Variants in CACNA1S observed in about 807,000 individuals in gnomAD.
CACNA1S encodes calcium voltage-gated channel subunit alpha1 S.
CACNA1S carries 126 observed loss-of-function variants against 207.4 expected under a neutral mutation model. That is an observed-to-expected ratio of 0.61 (90% confidence interval 0.53 to 0.70). The LOEUF (loss-of-function observed/expected upper bound fraction) is 0.70. Among genes scored for constraint, CACNA1S ranks in the 30% least tolerant of loss-of-function variants. The probability of loss-of-function intolerance (pLI) is 0.00; values close to 1 mark genes in which losing one functional copy is unlikely to be tolerated. For missense variants in CACNA1S, 2,349 were observed against 2,422.8 expected, an observed-to-expected ratio of 0.97 and a Z score of 0.64; for synonymous variants, 960 against 932.7, an observed-to-expected ratio of 1.03 and a Z score of -0.53.
intron 28 of CACNA1S, among the ~76,000 whole-genome samples, chr1:201,056,086 C>CACACACAT (rs1255511403): frequency 1.4e-4 from 22 of 151,826 alleles, no homozygotes; most frequent in East Asian, 3.9e-4. Flanking sequence ...CACACACACA[C>CACACACAT]ACACACACAC....
intron 10 of CACNA1S, among the ~76,000 whole-genome samples, chr1:201,079,621 C>T (rs947822960): frequency 6.7e-6 from 1 of 149,204 alleles, no homozygotes; most frequent in Non-Finnish European, 1.5e-5. Flanking sequence ...CTGGGACCCG[C>T]AGCTACAGGT....
In CACNA1S at chr1:201,089,394, G is replaced by T. The variant is rs763637720; in HGVS notation, c.764C>A (p.Thr255Asn). The stretch of plus-strand genomic sequence containing the variant: ...GCCCCGGCACTCACTGCCATTGATG[G>T]TGCACCGGCGCCCTGAGCCCGTCCT... ...CARTGSGRRC[T>N]INGSECRGGW... The change falls in exon 6 of 44, where the codon ACC becomes AAC. Residue 255 changes from threonine (T) to asparagine (N), a missense_variant. Thr to Asn is a moderately conservative substitution (Grantham distance 65, BLOSUM62 0). Transcript: ENST00000362061. The T allele has an allele frequency of 6.2e-7, 1 of 1,614,232 alleles. No homozygotes were observed. The highest frequency in any genetic ancestry group is 8.5e-7 in the Non-Finnish European group (1 of 1,180,048).
chr1:201,045,873 T>G (rs1372176463), intron 38 of CACNA1S, among the ~76,000 whole-genome samples: 1 of 151,802 alleles, frequency 6.6e-6, no homozygotes, highest in Non-Finnish European at 1.5e-5. Context: ...TGCCTTGAAA[T>G]ATGCATTAAA....
chr1:201,045,283 T>C (rs963268266), intron 38 of CACNA1S, among the ~76,000 whole-genome samples: 6 of 152,054 alleles, frequency 3.9e-5, no homozygotes, highest in Admixed American at 3.9e-4. Context: ...AGTGTCAAGA[T>C]CGTGTCAAGG....
chr1:201,102,460 G>A (rs1049777380), intron 2 of CACNA1S, among the ~76,000 whole-genome samples: 3 of 152,118 alleles, frequency 2.0e-5, no homozygotes, highest in African/African-American at 7.2e-5. Context: ...GCCCAATAGA[G>A]GAACCAGTTG....
intron 41 of CACNA1S, 65 bp downstream of exon 41, chr1:201,041,439 A>T (rs1206964532): frequency 2.4e-6 from 3 of 1,253,062 alleles, no homozygotes; most frequent in African/African-American, 1.5e-5. Flanking sequence ...CTAAGAAAAG[A>T]GTGGGGCTTC....
rs543422204 is a variant in CACNA1S, at chr1:201,093,828, C to T, written c.398+54G>A. 117 of 1,605,498 alleles carry T rather than the reference C, an allele frequency of 7.3e-5. No homozygotes were observed. In the African/African-American group the frequency reaches 1.5e-3, roughly 20 times the overall value. ...AGATGCTGGTGGTGGTGGCAGTGGG[C>T]ACACAGTCCTCAGCGAGGGTCTGAC... is the stretch of plus-strand genomic sequence containing the variant. On this transcript the variant is annotated intron_variant, in intron 3 of 43. Coordinates refer to ENST00000362061, the MANE Select transcript of CACNA1S (RefSeq NM_000069.3).
intron 5 of CACNA1S, among the ~76,000 whole-genome samples, chr1:201,089,712 G>A (rs1662162761): frequency 6.6e-6 from 1 of 152,220 alleles, no homozygotes; most frequent in Non-Finnish European, 1.5e-5. Flanking sequence ...CGGCTTCTAG[G>A]ATTAATTGTC....
chr1:201,091,948 G>A (rs1374379727), intron 4 of CACNA1S, 24 bp downstream of exon 4: 1 of 1,613,780 alleles, frequency 6.2e-7, no homozygotes, highest in Non-Finnish European at 8.5e-7. Context: ...GGAGAAAGGG[G>A]TCTGCAGGGA....
At chr1:201,060,581 C>A in intron 26 of CACNA1S, 77 bp downstream of exon 26, 1 of 1,510,522 alleles carries the variant, frequency 6.6e-7, no homozygotes, top group South Asian at 1.1e-5. Context: ...TCCTGGCTAT[C>A]CTGCCCTACT....
In CACNA1S at chr1:201,040,706, G is replaced by A; in HGVS notation, c.5142C>T (p.His1714=). 6.2e-7 allele frequency: 1 copy of A among 1,613,846 alleles called. No individual in the cohort carries two copies. The highest frequency in any genetic ancestry group is 8.5e-7 in the Non-Finnish European group (1 of 1,179,880). The change falls in exon 42 of 44, where the codon CAC becomes CAT. Residue 1714 remains histidine, a synonymous_variant. Coordinates refer to ENST00000362061, the MANE Select transcript of CACNA1S (RefSeq NM_000069.3). ...TCAGCATCTCCACACAGGGTTTGCT[G>A]TGGGGTCCTGTATGCAAGAAGGGGC... The part of the protein sequence containing the change: ...LGQPCRVLGP[H]SKPCVEMLKG...
chr1:201,075,282 C>T (rs1006599446), intron 13 of CACNA1S, among the ~76,000 whole-genome samples: 9 of 152,214 alleles, frequency 5.9e-5, no homozygotes, highest in African/African-American at 1.4e-4. Context: ...AGCCAAACAA[C>T]CCTGTGAGTC....
At position 201,046,825 on chromosome 1, in the gene CACNA1S, C is replaced by A. The variant is rs146835418; in HGVS notation, c.4668+290G>T. The stretch of plus-strand genomic sequence containing the variant: ...CTGGGATTATAGGTGTGAGCCACTG[C>A]GCCTGGCCTAGAGACCACTGTTCTT... On this transcript the variant is annotated intron_variant, in intron 38 of 43. Transcript: ENST00000362061. 3.3e-4 allele frequency among the ~76,000 whole-genome samples: 51 copies of A among 152,336 alleles called. 1 individual carries two copies. The South Asian group carries it at 9.3e-3, about 28-fold the overall frequency.
chr1:201,092,356 G>A (rs1662266934), intron 3 of CACNA1S, among the ~76,000 whole-genome samples: 1 of 152,148 alleles, frequency 6.6e-6, no homozygotes, highest in Non-Finnish European at 1.5e-5. Flanking sequence ...CACTTGTGAG[G>A]TCTACTTTGG....
Position 201,084,915 on chromosome 1 carries a change from G to A in CACNA1S, c.1232+35C>T, listed in dbSNP as rs761444364. On this transcript the variant is annotated intron_variant, in intron 9 of 43. Coordinates refer to ENST00000362061, the MANE Select transcript of CACNA1S (RefSeq NM_000069.3). ...ACCCTCATGTCTCAGGGAGCTGGGGGTTGGGGGTTCCTGGGGCAGTGGGCA... is the reference window on the plus strand; with the variant it reads ...ACCCTCATGTCTCAGGGAGCTGGGGATTGGGGGTTCCTGGGGCAGTGGGCA... The A allele has an allele frequency of 1.4e-5, 21 of 1,451,732 alleles. No homozygotes were observed. The South Asian group carries it at 2.0e-4, about 14-fold the overall frequency. The allele number at this position is 1,451,732 out of a possible 1,614,324, so 89.9% of individuals were successfully genotyped here.
At position 201,069,212 on chromosome 1, in the gene CACNA1S, G is replaced by A; in HGVS notation, c.2491-16C>T. 2 of 1,613,372 alleles carry A rather than the reference G, an allele frequency of 1.2e-6. No individual in the cohort carries two copies. The highest frequency in any genetic ancestry group is 1.7e-6 in the Non-Finnish European group (2 of 1,179,314). ...GTTTAAGGATCTGGGGACAGGGCAG[G>A]GGCGGGAGCAGCCAGTGAGAGGAGG... is the stretch of plus-strand genomic sequence containing the variant. On this transcript the variant is annotated splice_polypyrimidine_tract_variant and intron_variant, in intron 18 of 43. Coordinates refer to ENST00000362061, the MANE Select transcript of CACNA1S (RefSeq NM_000069.3).
Position 201,083,913 on chromosome 1 carries a change from C to G in CACNA1S, c.1233-591G>C, listed in dbSNP as rs12084430. Among the ~76,000 whole-genome samples the G allele has an allele frequency of 8.6e-3, 1,305 of 152,272 alleles. 14 individuals carry two copies. The highest frequency in any genetic ancestry group is 0.03 in the African/African-American group (1,233 of 41,542). On this transcript the variant is annotated intron_variant, in intron 9 of 43. Coordinates refer to ENST00000362061, the MANE Select transcript of CACNA1S (RefSeq NM_000069.3). ...GGAGTAGCTATACCCTTTGACCCAG[C>G]AAGTCTATTTCTAGAGTTCCTTTGG...
At chr1:201,062,922 G>A (rs1031248734) in intron 22 of CACNA1S, among the ~76,000 whole-genome samples, 1 of 152,182 alleles carries the variant, frequency 6.6e-6, no homozygotes, top group African/African-American at 2.4e-5. Flanking sequence ...GGCCTTCTGT[G>A]GTCTCCCATT....
At chr1:201,050,647 C>G in intron 33 of CACNA1S, 131 bp from the exon 34 acceptor site, 1 of 954,272 alleles carries the variant, frequency 1.0e-6, no homozygotes, top group South Asian at 1.4e-5. Flanking sequence ...CCCTTCTGAA[C>G]CACCCACATC....
Sources: allele counts gnomAD v4.1 joint callset (sites outside exome capture counted in the v4.1 genomes callset), GRCh38; gene constraint gnomAD v4.1.1; transcripts MANE v1.5; gene names NCBI Gene and HGNC (gene_info 2026-07-23, HGNC 2026-07-21).